The following CD300LG variants were observed in gnomAD, a reference collection of about 807,000 sequenced individuals.
The protein encoded by CD300LG is CD300 molecule like family member g.
In CD300LG, 29 loss-of-function variants were observed where a neutral mutation model predicts 31.5. The observed-to-expected ratio is 0.92, with a 90% CI of 0.68 to 1.25. The LOEUF (loss-of-function observed/expected upper bound fraction) is 1.25. Among genes scored for constraint, CD300LG ranks in the 50% most tolerant of loss-of-function variants. CD300LG has a pLI of 0.00. For synonymous variants in CD300LG, 175 were observed against 177.2 expected, an observed-to-expected ratio of 0.99 and a Z score of 0.10; for missense variants, 396 against 417.6, an observed-to-expected ratio of 0.95 and a Z score of 0.45.
At chr17:43,851,133 C>CAAAAAAAAAAAAAAAAA in intron 2 of CD300LG, among the ~76,000 whole-genome samples, 1 of 40,596 alleles carries the variant, frequency 2.5e-5, no homozygotes. Context: ...GACTCAGTCT[C>CAAAAAAAAAAAAAAAAA]AAAAAAAAAA....
intron 6 of CD300LG, chr17:43,857,833 A>G (rs572327380): frequency 2.1e-5 from 33 of 1,537,124 alleles, no homozygotes; most frequent in Non-Finnish European, 2.8e-5. Context: ...CTCTGAGACC[A>G]AGGTGGTGTG....
In CD300LG at chr17:43,854,047, G is replaced by A; in HGVS notation, c.719+3G>A. 1 of 1,608,536 alleles carries A rather than the reference G, an allele frequency of 6.2e-7. No homozygotes were observed. Among genetic ancestry groups the A allele is most frequent in the East Asian group, 2.2e-5 (1 of 44,762 alleles). Reference sequence around the variant, plus strand: ...AGCAGTGGCAGCTCTAAGCCCAGGTGAGCCCCAGGTGACCAACATCCCCTT... The same window carrying A: ...AGCAGTGGCAGCTCTAAGCCCAGGTAAGCCCCAGGTGACCAACATCCCCTT... On this transcript the variant is annotated splice_donor_region_variant and intron_variant, in intron 4 of 6. Transcript: ENST00000317310.
Position 43,862,161 on chromosome 17 carries a change from C to G in CD300LG, c.*250C>G. On this transcript the variant is annotated 3_prime_UTR_variant, in exon 7 of 7. Transcript: ENST00000317310. ...GGACATCCCTGATAGGTTCACATCC[C>G]TGGGCAGAGTACCAGGCTGCTGACC... 3.1e-6 allele frequency: 1 copy of G among 322,066 alleles called. No homozygotes were observed. Among genetic ancestry groups the G allele is most frequent in the East Asian group, 5.7e-5 (1 of 17,586 alleles). The allele number at this position is 322,066 out of a possible 1,614,324, so 20.0% of individuals were successfully genotyped here. A position where few individuals can be genotyped will look rare whatever the true frequency, so the allele number is the denominator to read the frequency against.
At chr17:43,857,543 C>A (rs544918013) in intron 6 of CD300LG, 56 of 1,445,614 alleles carry the variant, frequency 3.9e-5, no homozygotes, top group Non-Finnish European at 5.1e-5. Context: ...TGAAGCAAAT[C>A]GCCTTTCAGA....
intron 5 of CD300LG, 47 bp from the exon 6 acceptor site, chr17:43,857,057 C>T (rs201251111): frequency 3.9e-4 from 625 of 1,603,152 alleles, no homozygotes; most frequent in Non-Finnish European, 4.8e-4. Context: ...AGGCCACTCC[C>T]GGCTACTCCT....
rs551651195 is a variant in CD300LG, at chr17:43,861,015, G to C, written c.886-783G>C. 16 of 760,728 alleles carry C rather than the reference G, an allele frequency of 2.1e-5. No individual in the cohort carries two copies. In the African/African-American group the frequency reaches 3.0e-4, roughly 14 times the overall value. The allele number at this position is 760,728 out of a possible 1,614,324, so 47.1% of individuals were successfully genotyped here. A position where few individuals can be genotyped will look rare whatever the true frequency, so the allele number is the denominator to read the frequency against. ...CAGGAGCTTAGTATTCTCCCCTCCC[G>C]GCACCTCCCTGCCTTGCCCACCCCT... On this transcript the variant is annotated intron_variant, in intron 6 of 6. Coordinates refer to ENST00000317310, the MANE Select transcript of CD300LG (RefSeq NM_145273.4).
At position 43,862,834 on chromosome 17, in the gene CD300LG, T is replaced by G. The variant is rs912876319; in HGVS notation, c.*923T>G. 1.3e-5 allele frequency: 2 copies of G among 152,244 alleles called. No homozygotes were observed. The highest frequency in any genetic ancestry group is 2.9e-5 in the Non-Finnish European group (2 of 68,078). The allele number at this position is 152,244 out of a possible 1,614,324, so 9.4% of individuals were successfully genotyped here. On this transcript the variant is annotated 3_prime_UTR_variant, in exon 7 of 7. Transcript: ENST00000317310. Reference sequence around the variant, plus strand: ...ATGAAGAAAACCTTGGCTCCTTCCTTGTCTGGAAAGGGTTACTTGCCTATG... The same window carrying G: ...ATGAAGAAAACCTTGGCTCCTTCCTGGTCTGGAAAGGGTTACTTGCCTATG...
intron 5 of CD300LG, chr17:43,855,670 A>T (rs1268295288): frequency 1.2e-5 from 2 of 170,256 alleles, no homozygotes. Context: ...GAATTTGAGC[A>T]GGACAGACAT....
intron 6 of CD300LG, chr17:43,857,370 G>A: frequency 6.5e-7 from 1 of 1,531,854 alleles, no homozygotes; most frequent in Non-Finnish European, 8.7e-7. Flanking sequence ...CTCACAGGTG[G>A]GAACCTGATT....
intron 6 of CD300LG, among the ~76,000 whole-genome samples, chr17:43,859,129 C>T (rs1380686770): frequency 2.6e-5 from 4 of 152,134 alleles, no homozygotes; most frequent in Non-Finnish European, 4.4e-5. Context: ...GAGCCCTCTG[C>T]GTCCTCCACC....
At chr17:43,851,689 C>T (rs549756850) in intron 2 of CD300LG, among the ~76,000 whole-genome samples, 45 of 146,114 alleles carry the variant, frequency 3.1e-4, no homozygotes, top group African/African-American at 1.1e-3. Flanking sequence ...CGCTCTGTCG[C>T]CCAGGCTGGA....
chr17:43,848,434 AG>A (rs1179477266), intron 1 of CD300LG, 123 bp from the exon 2 acceptor site: 4 of 798,166 alleles, frequency 5.0e-6, no homozygotes, highest in Non-Finnish European at 8.0e-6. Flanking sequence ...GGCTCTTCCA[AG>A]GCTGTCCCCA....
rs1191762117 is a variant in CD300LG at position 43,862,075 on chromosome 17, T to C, written c.*164T>C. 5 of 513,902 alleles carry C rather than the reference T, an allele frequency of 9.7e-6. No homozygotes were observed. Among genetic ancestry groups the C allele is most frequent in the Non-Finnish European group, 1.7e-5 (5 of 293,866 alleles). The allele number at this position is 513,902 out of a possible 1,614,324, so 31.8% of individuals were successfully genotyped here. ...TCCTCTTGCATGTTCCAGCCTGACC[T>C]AGAAGCGTTTGTCAGCCCTGGAGCC... On this transcript the variant is annotated 3_prime_UTR_variant, in exon 7 of 7. Coordinates refer to ENST00000317310, the MANE Select transcript of CD300LG (RefSeq NM_145273.4).
At chr17:43,858,398 G>T in intron 6 of CD300LG, 5 of 985,476 alleles carry the variant, frequency 5.1e-6, no homozygotes, top group Non-Finnish European at 6.0e-6. Context: ...AAGAGGGGCT[G>T]GGGTCCAAGG....
At chr17:43,847,872 G>A (rs887664338) in intron 1 of CD300LG, among the ~76,000 whole-genome samples, 1 of 152,120 alleles carries the variant, frequency 6.6e-6, no homozygotes, top group Non-Finnish European at 1.5e-5. Context: ...GATCGCTTGA[G>A]CCCCAGAGGT....
At chr17:43,858,044 C>T in intron 6 of CD300LG, 1 of 1,438,464 alleles carries the variant, frequency 7.0e-7, no homozygotes, top group Non-Finnish European at 9.1e-7. Context: ...CCTGGCCCCT[C>T]CTCCCTCTGC....
chr17:43,847,275 G>A lies in CD300LG; in HGVS notation c.43+16G>A, dbSNP rs2033971636. The A allele has an allele frequency of 6.2e-7, 1 of 1,613,584 alleles. No homozygotes were observed. Among genetic ancestry groups the A allele is most frequent in the Non-Finnish European group, 8.5e-7 (1 of 1,179,792 alleles). Reference sequence around the variant, plus strand: ...CTGCTCCCAGGTGAGATGGGGAGAGGGTCTCGGGAGGGATGTGGGGCTCAC... The same window carrying A: ...CTGCTCCCAGGTGAGATGGGGAGAGAGTCTCGGGAGGGATGTGGGGCTCAC... On this transcript the variant is annotated intron_variant, in intron 1 of 6. Transcript: ENST00000317310.
At chr17:43,857,710 T>C (rs1369488285) in intron 6 of CD300LG, 1 of 1,423,858 alleles carries the variant, frequency 7.0e-7, no homozygotes, top group Non-Finnish European at 9.6e-7. Flanking sequence ...GTAAAGGTCT[T>C]GCCCATGGTC....
At chr17:43,847,323 A>T in intron 1 of CD300LG, 64 bp downstream of exon 1, 1 of 1,512,456 alleles carries the variant, frequency 6.6e-7, no homozygotes, top group South Asian at 1.1e-5. Context: ...CAGGGAAAGG[A>T]CCTCTTGACT....
Sources: allele counts gnomAD v4.1 joint callset (sites outside exome capture counted in the v4.1 genomes callset), GRCh38; gene constraint gnomAD v4.1.1; transcripts MANE v1.5; gene names NCBI Gene and HGNC (gene_info 2026-07-23, HGNC 2026-07-21).